Variants in RAB38 observed in about 807,000 individuals in gnomAD.
The protein encoded by RAB38 is RAB38, member RAS oncogene family, also known as ras-related protein Rab-38.
Under a neutral mutation model 18.4 loss-of-function variants are expected in RAB38, and 15 were observed. That is an observed-to-expected ratio of 0.82 (90% CI 0.55 to 1.26). The LOEUF (loss-of-function observed/expected upper bound fraction) is 1.26, where lower values mean the gene tolerates loss of function less well. Among genes scored for constraint, RAB38 ranks in the 50% most tolerant of loss-of-function variants. The pLI, the probability that RAB38 is intolerant of heterozygous loss-of-function variation, is 0.00. For missense variants in RAB38, 294 were observed against 267.4 expected (o/e 1.10, Z -0.69); for synonymous variants, 101 against 104.4 (o/e 0.97, Z 0.20).
chr11:87,878,301 C>T, the RAB38 span, among the ~76,000 whole-genome samples: 6 of 124,322 alleles, frequency 4.8e-5, no homozygotes, highest in Admixed American at 8.1e-5. Flanking sequence ...TATCTATCTA[C>T]CTATCATCTA....
chr11:87,898,810 G>C, the RAB38 span, among the ~76,000 whole-genome samples: 2 of 151,616 alleles, frequency 1.3e-5, no homozygotes, highest in Admixed American at 1.3e-4. Flanking sequence ...CACAGCAAGA[G>C]TGTAACTAAG....
chr11:87,834,904 A>C, the RAB38 span, among the ~76,000 whole-genome samples: 1,892 of 152,280 alleles, frequency 0.012, 41 homozygotes, highest in African/African-American at 0.044. Flanking sequence ...TATGATTTCA[A>C]ATTTATGAGG....
the RAB38 span, among the ~76,000 whole-genome samples, chr11:88,059,245 T>TAACACAC: frequency 6.6e-6 from 1 of 152,246 alleles, no homozygotes; most frequent in Non-Finnish European, 1.5e-5. Context: ...TGCTAATTAT[T>TAACACAC]AACACACGTT....
At chr11:87,836,341 G>T in the RAB38 span, among the ~76,000 whole-genome samples, 2 of 151,866 alleles carry the variant, frequency 1.3e-5, no homozygotes, top group Non-Finnish European at 1.5e-5. Context: ...CCTTTTTCTG[G>T]CAAATAAAAG....
chr11:88,108,442 C>T (rs190844660), downstream of RAB38, among the ~76,000 whole-genome samples: 3 of 152,140 alleles, frequency 2.0e-5, no homozygotes, highest in African/African-American at 4.8e-5. Context: ...GATTGCAACC[C>T]GGTTTTTGTT....
At chr11:87,964,091 G>A in the RAB38 span, among the ~76,000 whole-genome samples, 1 of 152,140 alleles carries the variant, frequency 6.6e-6, no homozygotes, top group Admixed American at 6.6e-5. Context: ...AAGAAATTAT[G>A]GCTTGTATAT....
chr11:87,948,137 A>ATTT, the RAB38 span, among the ~76,000 whole-genome samples: 2 of 151,926 alleles, frequency 1.3e-5, no homozygotes, highest in Admixed American at 1.3e-4. Flanking sequence ...ATTCCTAGGT[A>ATTT]TTTTATTCTC....
the RAB38 span, among the ~76,000 whole-genome samples, chr11:87,884,238 G>C: frequency 4.6e-5 from 7 of 151,988 alleles, no homozygotes; most frequent in African/African-American, 1.7e-4. Flanking sequence ...GACATTATTT[G>C]TGGTTGCTTC....
At chr11:88,118,781 C>T (rs763665457) in intron 2 of RAB38, among the ~76,000 whole-genome samples, 1 of 152,144 alleles carries the variant, frequency 6.6e-6, no homozygotes, top group Non-Finnish European at 1.5e-5. Context: ...TGGTACTGAT[C>T]AGCAAGTCTC....
the RAB38 span, among the ~76,000 whole-genome samples, chr11:88,041,607 A>G: frequency 6.6e-6 from 1 of 152,208 alleles, no homozygotes; most frequent in Non-Finnish European, 1.5e-5. Flanking sequence ...AAAATGATTA[A>G]TGCATAGATC....
chr11:88,019,625 T>C, the RAB38 span, among the ~76,000 whole-genome samples: 2 of 152,186 alleles, frequency 1.3e-5, no homozygotes, highest in African/African-American at 4.8e-5. Context: ...ACAGCCCCTA[T>C]GTACTTCTCT....
chr11:88,034,436 C>G, the RAB38 span, among the ~76,000 whole-genome samples: 3 of 152,322 alleles, frequency 2.0e-5, no homozygotes, highest in South Asian at 6.2e-4. Flanking sequence ...CTACTATTTT[C>G]AAGAGTGGCT....
At chr11:88,064,387 T>A in the RAB38 span, among the ~76,000 whole-genome samples, 1 of 152,194 alleles carries the variant, frequency 6.6e-6, no homozygotes, top group Non-Finnish European at 1.5e-5. Flanking sequence ...ATGGAAGTGA[T>A]GAATGCCATT....
At chr11:88,108,443 G>A (rs147254681), downstream of RAB38, among the ~76,000 whole-genome samples, 1,244 of 151,350 alleles carry the variant, frequency 8.2e-3, 6 homozygotes, top group South Asian at 0.021. Flanking sequence ...ATTGCAACCC[G>A]GTTTTTGTTT....
the RAB38 span, among the ~76,000 whole-genome samples, chr11:88,003,975 A>G: frequency 1.6e-5 from 2 of 125,394 alleles, no homozygotes; most frequent in Admixed American, 9.2e-5. Flanking sequence ...ATATAAAGGT[A>G]TATGCATATA....
the RAB38 span, among the ~76,000 whole-genome samples, chr11:87,902,839 T>G: frequency 1.3e-5 from 2 of 150,790 alleles, no homozygotes; most frequent in African/African-American, 4.9e-5. Context: ...GATAGATTTA[T>G]ATGTATATTT....
the RAB38 span, among the ~76,000 whole-genome samples, chr11:88,068,000 T>A: frequency 1.3e-5 from 2 of 148,294 alleles, no homozygotes; most frequent in African/African-American, 4.9e-5. Flanking sequence ...TATACACATA[T>A]CTATACATAT....
the RAB38 span, among the ~76,000 whole-genome samples, chr11:88,063,699 A>G: frequency 2.6e-5 from 4 of 152,170 alleles, no homozygotes; most frequent in East Asian, 7.7e-4. Flanking sequence ...TTCTCATGGT[A>G]GTGAATAAGT....
chr11:87,929,739 G>C, the RAB38 span, among the ~76,000 whole-genome samples: 1 of 100,026 alleles, frequency 1.0e-5, no homozygotes, highest in African/African-American at 4.1e-5. Context: ...AACAGGCCCC[G>C]GTGTGTGACG....
Sources: allele counts gnomAD v4.1 joint callset (sites outside exome capture counted in the v4.1 genomes callset), GRCh38; gene constraint gnomAD v4.1.1; transcripts MANE v1.5; gene names NCBI Gene and HGNC (gene_info 2026-07-23, HGNC 2026-07-21).